The following DNAI4 variants were observed in gnomAD, a reference collection of about 807,000 sequenced individuals.
DNAI4 encodes dynein axonemal intermediate chain 4.
Under a neutral mutation model 105.8 loss-of-function variants are expected in DNAI4, and 85 were observed. That is an observed-to-expected ratio of 0.80 (90% confidence interval 0.67 to 0.96). The LOEUF is 0.96. Ranked by LOEUF, DNAI4 falls within the 40% of genes least tolerant of loss-of-function variation. The pLI is 0.00. For missense variants in DNAI4, 1,014 were observed against 1,005.6 expected (o/e 1.01, Z -0.11); for synonymous variants, 352 against 331.5 (o/e 1.06, Z -0.67).
At chr1:66,878,755 C>T (rs1647008533) in intron 4 of DNAI4, among the ~76,000 whole-genome samples, 1 of 152,134 alleles carries the variant, frequency 6.6e-6, no homozygotes, top group African/African-American at 2.4e-5. Flanking sequence ...ACCATCTGCC[C>T]TCCAATTACT....
At chr1:66,836,473 T>C (rs1289809171) in intron 10 of DNAI4, among the ~76,000 whole-genome samples, 1 of 152,202 alleles carries the variant, frequency 6.6e-6, no homozygotes, top group African/African-American at 2.4e-5. Flanking sequence ...TCATCTAGCA[T>C]ATAATTCCTG....
At chr1:66,856,332 G>T (rs1389141934) in intron 7 of DNAI4, among the ~76,000 whole-genome samples, 1 of 151,774 alleles carries the variant, frequency 6.6e-6, no homozygotes, top group Non-Finnish European at 1.5e-5. Context: ...AAATAGCCAG[G>T]CATGGTGGCG....
chr1:66,823,493 C>T (rs1345353695), intron 15 of DNAI4, among the ~76,000 whole-genome samples: 1 of 148,396 alleles, frequency 6.7e-6, no homozygotes. Context: ...CACTGACTTC[C>T]ACAATGGTTG....
chr1:66,909,487 CTTTTT>C (rs564709453), intron 1 of DNAI4, among the ~76,000 whole-genome samples: 1 of 143,860 alleles, frequency 7.0e-6, no homozygotes, highest in Admixed American at 7.0e-5. Context: ...ATTCTTTTCT[CTTTTT>C]TTTTTTTTAA....
Position 66,905,416 on chromosome 1 carries a change from T to G in DNAI4, c.171-41A>C, listed in dbSNP as rs1649169344. ...AAAATATAATGCAAAGGATTCAAGA[T>G]TGAAAAGAAAAATCAACCAACAATA... On this transcript the variant is annotated intron_variant, in intron 1 of 16. Coordinates refer to ENST00000371026, the MANE Select transcript of DNAI4 (RefSeq NM_024763.5). 3.8e-6 allele frequency: 5 copies of G among 1,317,154 alleles called. No individual in the cohort carries two copies. In the African/African-American group the frequency reaches 7.5e-5, roughly 20 times the overall value. The allele number at this position is 1,317,154 out of a possible 1,614,324, so 81.6% of individuals were successfully genotyped here.
In DNAI4 at chr1:66,907,653, T is replaced by C. The variant is rs1010914763; in HGVS notation, c.171-2278A>G. Among the ~76,000 whole-genome samples, 3 of 152,232 alleles carry C rather than the reference T, an allele frequency of 2.0e-5. No homozygotes were observed. The East Asian group carries it at 5.8e-4, about 29-fold the overall frequency. On this transcript the variant is annotated intron_variant, in intron 1 of 16. Transcript: ENST00000371026. ...ACCATCCTCTGAAGATTTCATATCC[T>C]AAGTCACTGGCTCTATCTCTAATAG...
At chr1:66,908,063 C>A (rs1018503961) in intron 1 of DNAI4, among the ~76,000 whole-genome samples, 5 of 152,180 alleles carry the variant, frequency 3.3e-5, no homozygotes, top group Non-Finnish European at 5.9e-5. Flanking sequence ...TCTTACCATA[C>A]CTTTCCCTTC....
chr1:66,890,672 G>A lies in DNAI4; in HGVS notation c.643+482C>T, dbSNP rs1647525725. ...AGAGGAAGAGGAGAAGGAAGCAGAG[G>A]AGGAAGAGGAGGAAGAGGAAGAAGA... On this transcript the variant is annotated intron_variant, in intron 4 of 16. Coordinates refer to ENST00000371026, the MANE Select transcript of DNAI4 (RefSeq NM_024763.5). This position sits in a 1 kb window ranked among gnomAD's most constrained non-coding sequence, Gnocchi z 4.1. 4.7e-6 allele frequency: 1 copy of A among 214,410 alleles called. No homozygotes were observed. Among genetic ancestry groups the A allele is most frequent in the Middle Eastern group, 8.2e-4 (1 of 1,218 alleles). 13.3% of individuals were successfully genotyped at this position (214,410 alleles called of 1,614,324 possible). A position where few individuals can be genotyped will look rare whatever the true frequency, so the allele number is the denominator to read the frequency against.
At chr1:66,912,623 T>G (rs1045381826) in intron 1 of DNAI4, among the ~76,000 whole-genome samples, 1 of 152,118 alleles carries the variant, frequency 6.6e-6, no homozygotes, top group Non-Finnish European at 1.5e-5. Context: ...CTCCCGACAA[T>G]GTATAAAACC....
intron 1 of DNAI4, among the ~76,000 whole-genome samples, chr1:66,915,795 T>A (rs1650020366): frequency 6.6e-6 from 1 of 152,046 alleles, no homozygotes; most frequent in African/African-American, 2.4e-5. Context: ...TTTTGTGTGG[T>A]AAGAAAGCTT....
intron 1 of DNAI4, among the ~76,000 whole-genome samples, chr1:66,919,833 T>G (rs541550703): frequency 6.6e-6 from 1 of 152,118 alleles, no homozygotes; most frequent in African/African-American, 2.4e-5. Flanking sequence ...AAAGAAAAAA[T>G]GTACTGAAAA....
Position 66,910,407 on chromosome 1 carries a change from G to A in DNAI4, c.171-5032C>T, listed in dbSNP as rs146907888. ...TCTCTTCCTTGTTTACTCTGCTTCA[G>A]CCATAGTGGCATCCTTTATATTCAT... is the stretch of plus-strand genomic sequence containing the variant. On this transcript the variant is annotated intron_variant, in intron 1 of 16. Coordinates refer to ENST00000371026, the MANE Select transcript of DNAI4 (RefSeq NM_024763.5). 1.7e-4 allele frequency among the ~76,000 whole-genome samples: 26 copies of A among 152,262 alleles called. No individual in the cohort carries two copies. In the East Asian group the frequency reaches 4.6e-3, roughly 27 times the overall value.
intron 7 of DNAI4, among the ~76,000 whole-genome samples, chr1:66,856,313 CA>C (rs533761606): frequency 0.11 from 15,148 of 142,018 alleles, 780 homozygotes; most frequent in Middle Eastern, 0.14. Flanking sequence ...ACTAAAAATA[CA>C]AAAAAAAAAA....
intron 7 of DNAI4, chr1:66,848,141 G>T (rs1646317208): frequency 2.2e-6 from 1 of 452,376 alleles, no homozygotes; most frequent in Non-Finnish European, 4.4e-6. Flanking sequence ...CTAAAACCAA[G>T]AAGTTGATAG....
intron 7 of DNAI4, among the ~76,000 whole-genome samples, chr1:66,857,534 A>AT (rs1422159971): frequency 6.6e-6 from 1 of 151,434 alleles, no homozygotes; most frequent in African/African-American, 2.4e-5. Context: ...TCTGCCCACA[A>AT]ATTTTTTTTT....
intron 2 of DNAI4, among the ~76,000 whole-genome samples, chr1:66,901,547 CATT>C (rs898119049): frequency 2.6e-5 from 4 of 152,016 alleles, no homozygotes; most frequent in Non-Finnish European, 5.9e-5. Context: ...AATGATTTTT[CATT>C]ATATTTTAAG....
intron 6 of DNAI4, among the ~76,000 whole-genome samples, chr1:66,867,920 T>G (rs1435988863): frequency 6.6e-6 from 1 of 152,188 alleles, no homozygotes; most frequent in Non-Finnish European, 1.5e-5. Flanking sequence ...TCTCTAGTGG[T>G]TCACCTGAAA....
At chr1:66,846,382 A>G (rs990245957) in intron 8 of DNAI4, among the ~76,000 whole-genome samples, 2 of 152,200 alleles carry the variant, frequency 1.3e-5, no homozygotes, top group Non-Finnish European at 2.9e-5. Context: ...TGACTTGAAG[A>G]ATCAAGATAA....
chr1:66,898,602 C>G (rs1177346357), intron 2 of DNAI4, among the ~76,000 whole-genome samples: 3 of 152,168 alleles, frequency 2.0e-5, no homozygotes, highest in Non-Finnish European at 4.4e-5. Flanking sequence ...ATAACCTGCT[C>G]TACTCCAGGA....
Sources: allele counts gnomAD v4.1 joint callset (sites outside exome capture counted in the v4.1 genomes callset), GRCh38; gene constraint gnomAD v4.1.1; non-coding constraint Gnocchi (gnomAD v3.1); transcripts MANE v1.5; gene names NCBI Gene and HGNC (gene_info 2026-07-23, HGNC 2026-07-21).